Variants in KLHL29 observed in about 807,000 individuals in gnomAD.
The protein encoded by KLHL29 is kelch-like protein 29.
KLHL29 carries 21 observed loss-of-function variants against 80.4 expected under a neutral mutation model. The observed-to-expected ratio is 0.26, with a 90% CI of 0.19 to 0.38. KLHL29 has a LOEUF of 0.38. Ranked by LOEUF, KLHL29 falls within the 10% of genes least tolerant of loss-of-function variation. The pLI is 1.00. For synonymous variants in KLHL29, 511 were observed against 526.8 expected (o/e 0.97, Z 0.41); for missense variants, 867 against 1,223.9 (o/e 0.71, Z 4.35).
At chr2:23,532,179 G>T (rs1666511201) in intron 2 of KLHL29, among the ~76,000 whole-genome samples, 1 of 152,232 alleles carries the variant, frequency 6.6e-6, no homozygotes, top group Admixed American at 6.5e-5. Context: ...GTGGGAGAGG[G>T]GTGGAGGGGA....
Position 23,475,582 on chromosome 2 carries a change from C to T in KLHL29, c.-131C>T, listed in dbSNP as rs1310122000. 1 of 166,880 alleles carries T rather than the reference C, an allele frequency of 6.0e-6. No homozygotes were observed. Among genetic ancestry groups the T allele is most frequent in the Non-Finnish European group, 1.5e-5 (1 of 68,110 alleles). The allele number at this position is 166,880 out of a possible 1,614,324, so 10.3% of individuals were successfully genotyped here. ...TAGACTATCTGGCTTCCTGGTGATGCTCACGCTTTGCTAAGTGTTGGCGGC... is the reference window on the plus strand; with the variant it reads ...TAGACTATCTGGCTTCCTGGTGATGTTCACGCTTTGCTAAGTGTTGGCGGC... On this transcript the variant is annotated 5_prime_UTR_variant, in exon 2 of 14. Transcript: ENST00000486442.
intron 2 of KLHL29, among the ~76,000 whole-genome samples, chr2:23,559,122 G>A (rs983195806): frequency 6.6e-6 from 1 of 152,170 alleles, no homozygotes; most frequent in African/African-American, 2.4e-5. Context: ...CCGGGGGAGG[G>A]TCGGAAGCCA....
chr2:23,397,959 C>T (rs537014414), intron 1 of KLHL29, among the ~76,000 whole-genome samples: 2 of 151,252 alleles, frequency 1.3e-5, no homozygotes, highest in South Asian at 4.3e-4. Context: ...CAGAAAATAA[C>T]AAGTGTTGGT....
At chr2:23,484,174 C>A (rs1440808691) in intron 2 of KLHL29, among the ~76,000 whole-genome samples, 1 of 152,196 alleles carries the variant, frequency 6.6e-6, no homozygotes, top group Non-Finnish European at 1.5e-5. Flanking sequence ...AGGCTGGAGA[C>A]CCCTCCACTT....
At chr2:23,420,370 GGGTCA>G (rs1352363266) in intron 1 of KLHL29, among the ~76,000 whole-genome samples, 1 of 152,144 alleles carries the variant, frequency 6.6e-6, no homozygotes, top group Non-Finnish European at 1.5e-5. Flanking sequence ...TTGAGCTAAA[GGGTCA>G]GAGACTCACT....
intron 5 of KLHL29, among the ~76,000 whole-genome samples, chr2:23,644,825 C>T (rs572911131): frequency 2.0e-5 from 3 of 152,324 alleles, no homozygotes; most frequent in East Asian, 1.9e-4. Context: ...CTGGGCAGAC[C>T]GAGGGCCAGG....
intron 2 of KLHL29, among the ~76,000 whole-genome samples, chr2:23,560,754 G>A (rs974465144): frequency 2.0e-5 from 3 of 152,222 alleles, no homozygotes; most frequent in Non-Finnish European, 2.9e-5. Context: ...CAGAGGGGAT[G>A]ATGGCCACCA....
intron 2 of KLHL29, among the ~76,000 whole-genome samples, chr2:23,478,679 A>AG (rs1482101748): frequency 6.6e-6 from 1 of 152,062 alleles, no homozygotes; most frequent in Non-Finnish European, 1.5e-5. Flanking sequence ...CGGGCTCTGG[A>AG]GGTGGTGAAG....
At chr2:23,474,262 A>AAATG (rs1333447763) in intron 1 of KLHL29, among the ~76,000 whole-genome samples, 11 of 152,124 alleles carry the variant, frequency 7.2e-5, no homozygotes, top group Non-Finnish European at 1.0e-4. Context: ...AATATTTATT[A>AAATG]AATGAATGAA....
chr2:23,674,770 G>T (rs1670877484), intron 5 of KLHL29, among the ~76,000 whole-genome samples: 2 of 151,260 alleles, frequency 1.3e-5, no homozygotes, highest in Admixed American at 1.3e-4. Context: ...TGGCCCTGAG[G>T]ACCAAGGCAC....
At chr2:23,389,444 T>C (rs1465221259) in intron 1 of KLHL29, among the ~76,000 whole-genome samples, 1 of 152,214 alleles carries the variant, frequency 6.6e-6, no homozygotes, top group Non-Finnish European at 1.5e-5. Context: ...TAACCAACTT[T>C]GTGATTCTGT....
chr2:23,397,155 C>A (rs936964155), intron 1 of KLHL29, among the ~76,000 whole-genome samples: 1 of 152,182 alleles, frequency 6.6e-6, no homozygotes, highest in African/African-American at 2.4e-5. Context: ...TGGAGAACCT[C>A]GTCAGGAGAG....
At chr2:23,691,939 A>G (rs1671638092) in intron 7 of KLHL29, 63 bp downstream of exon 7, 3 of 1,486,034 alleles carry the variant, frequency 2.0e-6, no homozygotes, top group South Asian at 1.2e-5. Flanking sequence ...AGAACTCCAT[A>G]AACAGCAAGG....
At chr2:23,404,724 T>A (rs993517175) in intron 1 of KLHL29, among the ~76,000 whole-genome samples, 1 of 152,284 alleles carries the variant, frequency 6.6e-6, no homozygotes, top group African/African-American at 2.4e-5. Flanking sequence ...CTGCCGAGCC[T>A]GTAAGCCAAC....
At position 23,456,894 on chromosome 2, in the gene KLHL29, C is replaced by T. The variant is rs181036388; in HGVS notation, c.-153-18666C>T. On this transcript the variant is annotated intron_variant, in intron 1 of 13. Transcript: ENST00000486442. ...CCCAGGCTGGTTTGAAGTGTGCTGA[C>T]GGGGACTTGCGGAGACAGCCAGGCA... 6.4e-4 allele frequency among the ~76,000 whole-genome samples: 98 copies of T among 152,256 alleles called. 2 individuals are homozygous for T. In the East Asian group the frequency reaches 8.1e-3, roughly 13 times the overall value.
intron 3 of KLHL29, among the ~76,000 whole-genome samples, chr2:23,586,891 C>T (rs1668134159): frequency 6.6e-6 from 1 of 152,196 alleles, no homozygotes; most frequent in Non-Finnish European, 1.5e-5. Flanking sequence ...TCTGTGACCC[C>T]AGCTCCTAAA....
chr2:23,571,109 C>T (rs1052689927), intron 3 of KLHL29, among the ~76,000 whole-genome samples: 2 of 152,254 alleles, frequency 1.3e-5, no homozygotes, highest in African/African-American at 2.4e-5. Flanking sequence ...GACAAGGGGA[C>T]TCAGCATAGG....
chr2:23,415,483 G>T (rs1306929559), intron 1 of KLHL29, among the ~76,000 whole-genome samples: 1 of 152,172 alleles, frequency 6.6e-6, no homozygotes, highest in Non-Finnish European at 1.5e-5. Context: ...ATATGAAGTT[G>T]GAAAGCTATT....
intron 2 of KLHL29, among the ~76,000 whole-genome samples, chr2:23,533,082 C>T (rs1056757805): frequency 6.6e-6 from 1 of 152,180 alleles, no homozygotes; most frequent in African/African-American, 2.4e-5. Flanking sequence ...AGTGGCTTCC[C>T]TGTGTGAGAG....
Sources: allele counts gnomAD v4.1 joint callset (sites outside exome capture counted in the v4.1 genomes callset), GRCh38; gene constraint gnomAD v4.1.1; transcripts MANE v1.5; gene names NCBI Gene and HGNC (gene_info 2026-07-23, HGNC 2026-07-21).